ASIC2: variants seen among roughly 807,000 people sequenced by gnomAD.
The protein encoded by ASIC2 is acid-sensing ion channel 2.
ASIC2 carries 25 observed loss-of-function variants against 57.3 expected under a neutral mutation model. The ratio of observed to expected loss-of-function variants is 0.44; its 90% CI spans 0.32 to 0.61. The LOEUF (loss-of-function observed/expected upper bound fraction) is 0.61, where lower values mean the gene tolerates loss of function less well. Ranked by LOEUF, ASIC2 falls within the 20% of genes least tolerant of loss-of-function variation. The pLI is 0.06. For missense variants in ASIC2, 641 were observed against 738.1 expected (o/e 0.87, Z 1.52); for synonymous variants, 319 against 307.5 (o/e 1.04, Z -0.39).
At chr17:33,256,157 T>C (rs1909059612) in intron 1 of ASIC2, among the ~76,000 whole-genome samples, 1 of 152,192 alleles carries the variant, frequency 6.6e-6, no homozygotes, top group Admixed American at 6.5e-5. Flanking sequence ...GACAAGATCG[T>C]TCTTTGAAAA....
intron 1 of ASIC2, among the ~76,000 whole-genome samples, chr17:34,062,852 A>G (rs887903757): frequency 2.0e-5 from 3 of 152,164 alleles, no homozygotes; most frequent in Non-Finnish European, 4.4e-5. Flanking sequence ...GATCAAAACC[A>G]GCAGTGAGAT....
chr17:33,985,148 T>C (rs1905771260), intron 1 of ASIC2, among the ~76,000 whole-genome samples: 2 of 152,196 alleles, frequency 1.3e-5, no homozygotes, highest in South Asian at 2.1e-4. Context: ...ATTAAAGGCA[T>C]GGAGGGATGT....
intron 1 of ASIC2, among the ~76,000 whole-genome samples, chr17:33,426,803 A>G (rs1911235477): frequency 6.6e-6 from 1 of 152,218 alleles, no homozygotes; most frequent in African/African-American, 2.4e-5. Flanking sequence ...GGAAATAAGC[A>G]AGTAATCACA....
At chr17:33,596,526 A>G (rs560862730) in intron 1 of ASIC2, among the ~76,000 whole-genome samples, 8 of 152,102 alleles carry the variant, frequency 5.3e-5, no homozygotes, top group African/African-American at 1.7e-4. Context: ...CACTTTTTCT[A>G]CCTTCCCAGT....
chr17:33,472,153 G>T (rs1476730048), intron 1 of ASIC2, among the ~76,000 whole-genome samples: 2 of 151,988 alleles, frequency 1.3e-5, no homozygotes, highest in African/African-American at 4.8e-5. Context: ...CCAAGTAGCT[G>T]GGATTACAGG....
intron 1 of ASIC2, among the ~76,000 whole-genome samples, chr17:33,137,233 G>T (rs2092370367): frequency 1.3e-5 from 2 of 152,346 alleles, no homozygotes; most frequent in East Asian, 3.9e-4. Context: ...AGATGCTGTG[G>T]TCTAATAGGT....
At chr17:33,861,901 G>C (rs1428212634) in intron 1 of ASIC2, among the ~76,000 whole-genome samples, 3 of 152,136 alleles carry the variant, frequency 2.0e-5, no homozygotes, top group African/African-American at 7.2e-5. Context: ...CTGGGAGCAG[G>C]TGGGAGACCG....
chr17:33,013,804 G>A lies in ASIC2; in HGVS notation c.*161C>T, dbSNP rs1274919894. On this transcript the variant is annotated 3_prime_UTR_variant, in exon 10 of 10. Transcript: ENST00000225823. ...GGCCCAAGGATGCGTCGTGTTGGACGTGGCCGGAGCGAGGTCTAGGCAGCT... is the reference window on the plus strand; with the variant it reads ...GGCCCAAGGATGCGTCGTGTTGGACATGGCCGGAGCGAGGTCTAGGCAGCT... 5.3e-5 allele frequency: 35 copies of A among 655,272 alleles called. No homozygotes were observed. Among genetic ancestry groups the A allele is most frequent in the East Asian group, 3.3e-4 (12 of 36,712 alleles). 40.6% of individuals were successfully genotyped at this position (655,272 alleles called of 1,614,324 possible).
At chr17:33,840,478 G>T (rs1383573452) in intron 1 of ASIC2, among the ~76,000 whole-genome samples, 3 of 152,240 alleles carry the variant, frequency 2.0e-5, no homozygotes, top group Admixed American at 2.0e-4. Context: ...AACTCTGCAT[G>T]TCCAGAATGA....
At chr17:33,393,452 AC>A (rs1175445415) in intron 1 of ASIC2, among the ~76,000 whole-genome samples, 1 of 151,812 alleles carries the variant, frequency 6.6e-6, no homozygotes, top group Non-Finnish European at 1.5e-5. Flanking sequence ...TCACTTCTCC[AC>A]CAGCCTTCTC....
At chr17:33,454,204 G>T (rs1323064107) in intron 1 of ASIC2, among the ~76,000 whole-genome samples, 2 of 152,180 alleles carry the variant, frequency 1.3e-5, no homozygotes, top group African/African-American at 4.8e-5. Context: ...CTTACACAGT[G>T]GTGTTGTGGG....
At chr17:33,356,432 A>G (rs1242835312) in intron 1 of ASIC2, among the ~76,000 whole-genome samples, 1 of 152,114 alleles carries the variant, frequency 6.6e-6, no homozygotes, top group African/African-American at 2.4e-5. Context: ...AGGCTATGCA[A>G]GAGGAAAGGC....
chr17:33,135,064 T>C (rs953272142), intron 1 of ASIC2, among the ~76,000 whole-genome samples: 1 of 152,154 alleles, frequency 6.6e-6, no homozygotes, highest in South Asian at 2.1e-4. Flanking sequence ...GAAAGGTGAC[T>C]TGCCCAGTCA....
At chr17:33,386,525 A>G (rs959534258) in intron 1 of ASIC2, among the ~76,000 whole-genome samples, 2 of 152,190 alleles carry the variant, frequency 1.3e-5, no homozygotes, top group African/African-American at 2.4e-5. Flanking sequence ...CCTATTAAAT[A>G]GAATTTGAAA....
At chr17:33,393,283 T>G (rs1403946603) in intron 1 of ASIC2, among the ~76,000 whole-genome samples, 1 of 152,182 alleles carries the variant, frequency 6.6e-6, no homozygotes, top group Non-Finnish European at 1.5e-5. Context: ...ATTGTGGCAC[T>G]GTATGAATGA....
At chr17:34,141,706 A>T (rs1353686367) in intron 1 of ASIC2, among the ~76,000 whole-genome samples, 1 of 152,260 alleles carries the variant, frequency 6.6e-6, no homozygotes, top group Non-Finnish European at 1.5e-5. Flanking sequence ...AAGCGTTGGT[A>T]AATTCTTGCA....
At chr17:33,472,742 A>C (rs1913096096) in intron 1 of ASIC2, among the ~76,000 whole-genome samples, 1 of 152,038 alleles carries the variant, frequency 6.6e-6, no homozygotes, top group Non-Finnish European at 1.5e-5. Context: ...AAACAAGAAA[A>C]CATGGGGCAC....
At chr17:34,061,394 T>C (rs989149922) in intron 1 of ASIC2, among the ~76,000 whole-genome samples, 1 of 152,066 alleles carries the variant, frequency 6.6e-6, no homozygotes, top group African/African-American at 2.4e-5. Context: ...AAACAGAATC[T>C]CTTCAAAGCA....
At chr17:34,008,925 G>C (rs931116993) in intron 1 of ASIC2, among the ~76,000 whole-genome samples, 7 of 152,296 alleles carry the variant, frequency 4.6e-5, no homozygotes, top group Middle Eastern at 3.4e-3. Flanking sequence ...AGGACATTTG[G>C]GCATGAAAGA....
Sources: allele counts gnomAD v4.1 joint callset (sites outside exome capture counted in the v4.1 genomes callset), GRCh38; gene constraint gnomAD v4.1.1; transcripts MANE v1.5; gene names NCBI Gene and HGNC (gene_info 2026-07-23, HGNC 2026-07-21).